MYO16: variants seen among roughly 807,000 people sequenced by gnomAD.
MYO16 encodes the protein myosin XVI.
MYO16 carries 94 observed loss-of-function variants against 205.3 expected under a neutral mutation model. That is an observed-to-expected ratio of 0.46 (90% CI 0.39 to 0.54). MYO16 has a LOEUF of 0.54. Ranked by LOEUF, MYO16 falls within the 20% of genes least tolerant of loss-of-function variation. The probability of loss-of-function intolerance (pLI) is 0.00; values close to 1 mark genes in which losing one functional copy is unlikely to be tolerated. For synonymous variants in MYO16, 988 were observed against 954.0 expected (o/e 1.04, Z -0.66); for missense variants, 2,315 against 2,387.5 (o/e 0.97, Z 0.63).
intron 24 of MYO16, 73 bp from the exon 25 acceptor site, chr13:109,052,227 G>T: frequency 7.5e-7 from 1 of 1,335,842 alleles, no homozygotes; most frequent in South Asian, 1.2e-5. Context: ...TAGAGCTCTT[G>T]TATGAAGAAT....
the MYO16 span, among the ~76,000 whole-genome samples, chr13:108,587,763 C>A: frequency 1.3e-5 from 2 of 152,110 alleles, no homozygotes. Flanking sequence ...ACCGCCCAAG[C>A]CATCAAACTC....
chr13:108,740,818 C>G (rs1400373937), intron 4 of MYO16, among the ~76,000 whole-genome samples: 3 of 151,802 alleles, frequency 2.0e-5, no homozygotes, highest in Middle Eastern at 3.2e-3. Flanking sequence ...TTTACCTACT[C>G]AAGCCTCAGC....
At chr13:109,088,724 AC>A (rs1419416912) in intron 27 of MYO16, among the ~76,000 whole-genome samples, 2 of 152,218 alleles carry the variant, frequency 1.3e-5, no homozygotes, top group Non-Finnish European at 2.9e-5. Flanking sequence ...CATGCTCGGC[AC>A]CGCCACAGGC....
intron 1 of MYO16, among the ~76,000 whole-genome samples, chr13:108,657,742 T>G (rs1039130114): frequency 6.6e-6 from 1 of 152,206 alleles, no homozygotes; most frequent in African/African-American, 2.4e-5. Context: ...GGTGTGTTGG[T>G]TTCTCTATGT....
At chr13:108,851,415 G>T (rs922642102) in intron 10 of MYO16, among the ~76,000 whole-genome samples, 1 of 152,108 alleles carries the variant, frequency 6.6e-6, no homozygotes, top group Non-Finnish European at 1.5e-5. Flanking sequence ...GATGGTGAAA[G>T]CTCCCTTTCA....
intron 4 of MYO16, among the ~76,000 whole-genome samples, chr13:108,766,134 G>C (rs963915030): frequency 6.6e-6 from 1 of 152,152 alleles, no homozygotes; most frequent in African/African-American, 2.4e-5. Flanking sequence ...AGAACCTAAA[G>C]GGATACTGTG....
chr13:109,043,119 A>G (rs1318987826), intron 23 of MYO16, among the ~76,000 whole-genome samples: 1 of 152,248 alleles, frequency 6.6e-6, no homozygotes, highest in Non-Finnish European at 1.5e-5. Flanking sequence ...ATTATATTAA[A>G]TAAAAATGAC....
chr13:108,744,501 C>T (rs951956619), intron 4 of MYO16, among the ~76,000 whole-genome samples: 3 of 152,200 alleles, frequency 2.0e-5, no homozygotes, highest in African/African-American at 7.2e-5. Context: ...CTCACGTTTA[C>T]ACTGAAGCTT....
In MYO16 at chr13:108,735,478, A is replaced by AT. The variant is rs1884664807; in HGVS notation, c.507+7896dup. On this transcript the variant is annotated intron_variant, in intron 4 of 34. Transcript: ENST00000457511. The stretch of plus-strand genomic sequence containing the variant: ...ATGGCTGCATAGTATTCCATGGTAT[A>AT]TACCATGTGTATTCCATGGTATACA... Among the ~76,000 whole-genome samples, 5 of 151,340 alleles carry AT rather than the reference A, an allele frequency of 3.3e-5. No homozygotes were observed. The South Asian group carries it at 1.0e-3, about 31-fold the overall frequency.
At chr13:108,726,467 G>A (rs1366122874) in intron 3 of MYO16, among the ~76,000 whole-genome samples, 2 of 151,722 alleles carry the variant, frequency 1.3e-5, no homozygotes, top group African/African-American at 4.8e-5. Flanking sequence ...GCTGAGGCAG[G>A]AGAATTACTT....
intron 27 of MYO16, among the ~76,000 whole-genome samples, chr13:109,081,025 G>T (rs1167316271): frequency 6.6e-6 from 1 of 151,994 alleles, no homozygotes; most frequent in African/African-American, 2.4e-5. Flanking sequence ...CGTATTGACA[G>T]ACTTGAAAGT....
intron 3 of MYO16, among the ~76,000 whole-genome samples, chr13:108,726,688 A>T (rs1484273154): frequency 6.6e-6 from 1 of 152,188 alleles, no homozygotes; most frequent in African/African-American, 2.4e-5. Context: ...GCAGAACATC[A>T]AGGTACAGGA....
intron 16 of MYO16, among the ~76,000 whole-genome samples, chr13:108,927,441 C>T (rs1393789677): frequency 6.6e-6 from 1 of 152,102 alleles, no homozygotes; most frequent in East Asian, 1.9e-4. Context: ...ACTTGCCATC[C>T]TTGATTCTCA....
At chr13:109,022,311 TATATTATATA>T (rs1366170510) in intron 23 of MYO16, among the ~76,000 whole-genome samples, 4 of 7,874 alleles carry the variant, frequency 5.1e-4, no homozygotes, top group Non-Finnish European at 8.0e-4. Flanking sequence ...TATATATTTA[TATATTATATA>T]CAAATATATA....
intron 2 of MYO16, among the ~76,000 whole-genome samples, chr13:108,687,343 A>C (rs1020120249): frequency 2.8e-4 from 43 of 152,152 alleles, no homozygotes; most frequent in Non-Finnish European, 7.3e-5. Context: ...TCAGTATCCT[A>C]CATAATTATA....
chr13:108,509,975 T>G, the MYO16 span, among the ~76,000 whole-genome samples: 3 of 152,140 alleles, frequency 2.0e-5, no homozygotes, highest in Admixed American at 6.5e-5. Context: ...AGAAGTTGAG[T>G]ACGTTGAGTG....
intron 1 of MYO16, among the ~76,000 whole-genome samples, chr13:108,658,800 A>G (rs1201377838): frequency 6.6e-6 from 1 of 152,142 alleles, no homozygotes; most frequent in East Asian, 1.9e-4. Context: ...GCTTTGCTTT[A>G]TGGCCTAAGA....
At chr13:109,079,216 T>C (rs1888207499) in intron 27 of MYO16, among the ~76,000 whole-genome samples, 1 of 152,108 alleles carries the variant, frequency 6.6e-6, no homozygotes, top group Non-Finnish European at 1.5e-5. Context: ...CTCTCAGAGG[T>C]CACTGACTTC....
chr13:108,801,305 A>C (rs1886962642), intron 6 of MYO16, among the ~76,000 whole-genome samples: 3 of 152,226 alleles, frequency 2.0e-5, no homozygotes, highest in African/African-American at 7.2e-5. Context: ...AATAGTGAAG[A>C]TCAGAAAAGC....
Sources: gnomAD v4.1 joint callset for allele counts (sites outside exome capture counted in the v4.1 genomes callset) on GRCh38, gnomAD v4.1.1 for gene constraint, MANE v1.5 for transcripts, NCBI Gene and HGNC (gene_info 2026-07-23, HGNC 2026-07-21) for gene names.